Variants in TRIO observed in about 807,000 individuals in gnomAD.
TRIO encodes trio Rho guanine nucleotide exchange factor.
TRIO carries 58 observed loss-of-function variants against 351.9 expected under a neutral mutation model. The ratio of observed to expected loss-of-function variants is 0.16; its 90% CI spans 0.13 to 0.21. The LOEUF is 0.21. Among genes scored for constraint, TRIO ranks in the 10% least tolerant of loss-of-function variants. TRIO has a pLI of 1.00. For synonymous variants in TRIO, 1,758 were observed against 1,595.7 expected, an observed-to-expected ratio of 1.10 and a Z score of -2.42; for missense variants, 3,201 against 4,027.8, an observed-to-expected ratio of 0.79 and a Z score of 5.56.
intron 8 of TRIO, among the ~76,000 whole-genome samples, chr5:14,309,308 G>A (rs143634053): frequency 2.8e-4 from 43 of 152,184 alleles, no homozygotes; most frequent in African/African-American, 9.6e-4. Context: ...TTCACTTGGT[G>A]TATTTGCTCC....
At chr5:14,405,173 T>C (rs1230485839) in intron 31 of TRIO, among the ~76,000 whole-genome samples, 1 of 152,052 alleles carries the variant, frequency 6.6e-6, no homozygotes, top group Non-Finnish European at 1.5e-5. Context: ...TGTGTGGTTC[T>C]CAGAGGACAT....
intron 34 of TRIO, among the ~76,000 whole-genome samples, chr5:14,431,134 T>C (rs1446864188): frequency 6.6e-6 from 1 of 152,206 alleles, no homozygotes; most frequent in Non-Finnish European, 1.5e-5. Flanking sequence ...CCCTTTGAGC[T>C]CTTGCCCCTG....
At chr5:14,389,470 C>A in intron 25 of TRIO, 72 bp downstream of exon 25, 1 of 1,090,094 alleles carries the variant, frequency 9.2e-7, no homozygotes. Flanking sequence ...AAGAAATGAA[C>A]CATTCCCATT....
At chr5:14,437,992 A>G (rs1751730601) in intron 34 of TRIO, among the ~76,000 whole-genome samples, 1 of 152,190 alleles carries the variant, frequency 6.6e-6, no homozygotes, top group Admixed American at 6.5e-5. Context: ...AAGCAGCACT[A>G]TCTTGATGGA....
At chr5:14,367,053 G>T in intron 16 of TRIO, 74 bp downstream of exon 16, 1 of 1,586,068 alleles carries the variant, frequency 6.3e-7, no homozygotes, top group Admixed American at 1.7e-5. Context: ...CCCCAACATG[G>T]CACTGACCAT....
intron 1 of TRIO, among the ~76,000 whole-genome samples, chr5:14,176,621 T>C (rs1293786456): frequency 6.6e-6 from 1 of 152,170 alleles, no homozygotes; most frequent in Non-Finnish European, 1.5e-5. Context: ...ACCTGACTAA[T>C]TTTTGTATTT....
chr5:14,191,759 A>C (rs1426458951), intron 1 of TRIO, among the ~76,000 whole-genome samples: 1 of 152,250 alleles, frequency 6.6e-6, no homozygotes, highest in East Asian at 1.9e-4. Context: ...ACAGCCAGTC[A>C]GGAAAATCGC....
At chr5:14,385,816 C>G in intron 21 of TRIO, among the ~76,000 whole-genome samples, 1 of 152,212 alleles carries the variant, frequency 6.6e-6, no homozygotes, top group East Asian at 1.9e-4. Context: ...TTCAGTTGCT[C>G]AATAATTCTT....
intron 48 of TRIO, 153 bp from the exon 49 acceptor site, chr5:14,492,414 G>A (rs1312945344): frequency 2.1e-6 from 2 of 962,410 alleles, no homozygotes; most frequent in African/African-American, 3.3e-5. Context: ...TTAGCCAGAG[G>A]GTAAAGGAAA....
At chr5:14,408,423 C>T (rs894787145) in intron 33 of TRIO, among the ~76,000 whole-genome samples, 2 of 152,020 alleles carry the variant, frequency 1.3e-5, no homozygotes, top group African/African-American at 4.8e-5. Flanking sequence ...AAAAGAATTT[C>T]TCATTTTATT....
intron 1 of TRIO, among the ~76,000 whole-genome samples, chr5:14,174,712 A>G (rs1373946897): frequency 6.6e-6 from 1 of 152,234 alleles, no homozygotes; most frequent in Non-Finnish European, 1.5e-5. Context: ...GGTAGAGGTC[A>G]GATCGCCAAA....
intron 1 of TRIO, among the ~76,000 whole-genome samples, chr5:14,162,387 AT>A (rs1374988700): frequency 1.3e-5 from 2 of 152,224 alleles, no homozygotes; most frequent in Non-Finnish European, 2.9e-5. Context: ...ATGGCTTGTA[AT>A]TTAACACTCT....
chr5:14,376,125 TG>T (rs1309401740), intron 19 of TRIO, among the ~76,000 whole-genome samples: 1 of 152,180 alleles, frequency 6.6e-6, no homozygotes, highest in Non-Finnish European at 1.5e-5. Context: ...GTTGTTAGGC[TG>T]GATGTAAATG....
intron 1 of TRIO, among the ~76,000 whole-genome samples, chr5:14,159,775 C>G (rs987731173): frequency 6.6e-6 from 1 of 152,124 alleles, no homozygotes; most frequent in Non-Finnish European, 1.5e-5. Context: ...CCATGTTTGC[C>G]AGGATGGTCT....
chr5:14,282,531 C>G (rs1736091906), intron 3 of TRIO, among the ~76,000 whole-genome samples: 1 of 151,880 alleles, frequency 6.6e-6, no homozygotes, highest in African/African-American at 2.4e-5. Context: ...GAAATTGGTT[C>G]AAGCACATTT....
chr5:14,471,553 T>C, intron 38 of TRIO, 87 bp downstream of exon 38: 5 of 1,559,264 alleles, frequency 3.2e-6, no homozygotes, highest in Non-Finnish European at 4.4e-6. Context: ...GATTCAGCTC[T>C]GAATTACCGA....
chr5:14,254,297 C>G (rs2152251494), intron 1 of TRIO, among the ~76,000 whole-genome samples: 1 of 152,068 alleles, frequency 6.6e-6, no homozygotes, highest in South Asian at 2.1e-4. Flanking sequence ...AATTCCCCTG[C>G]CTCAACCTCC....
intron 1 of TRIO, among the ~76,000 whole-genome samples, chr5:14,157,557 C>A (rs1788187785): frequency 6.6e-6 from 1 of 151,838 alleles, no homozygotes; most frequent in Non-Finnish European, 1.5e-5. Context: ...CTCTCTCTCT[C>A]TCCCTGTCTC....
In TRIO at chr5:14,477,164, G is replaced by A. The variant is rs1029993080; in HGVS notation, c.6153+201G>A. On this transcript the variant is annotated intron_variant, in intron 41 of 56. Transcript: ENST00000344204. Reference sequence around the variant, plus strand: ...CTGCTTTCCCAGTCACCTGGCTGAAGCTGGCTATTTGGCTAGCAACAGTAC... The same window carrying A: ...CTGCTTTCCCAGTCACCTGGCTGAAACTGGCTATTTGGCTAGCAACAGTAC... 160 of 542,584 alleles carry A rather than the reference G, an allele frequency of 2.9e-4. 2 individuals are homozygous for A. The South Asian group carries it at 3.4e-3, about 11-fold the overall frequency. The allele number at this position is 542,584 out of a possible 1,614,324, so 33.6% of individuals were successfully genotyped here. A position where few individuals can be genotyped will look rare whatever the true frequency, so the allele number is the denominator to read the frequency against.
Sources: allele counts gnomAD v4.1 joint callset (sites outside exome capture counted in the v4.1 genomes callset), GRCh38; gene constraint gnomAD v4.1.1; transcripts MANE v1.5; gene names NCBI Gene and HGNC (gene_info 2026-07-23, HGNC 2026-07-21).